The following SPHKAP variants were observed in gnomAD, a reference collection of about 807,000 sequenced individuals.
The protein encoded by SPHKAP is SPHK1 interactor, AKAP domain containing.
Under a neutral mutation model 137.5 loss-of-function variants are expected in SPHKAP, and 67 were observed. The ratio of observed to expected loss-of-function variants is 0.49; its 90% CI spans 0.40 to 0.60. SPHKAP has a LOEUF of 0.60. Among genes scored for constraint, SPHKAP ranks in the 20% least tolerant of loss-of-function variants. SPHKAP has a pLI of 0.00. For missense variants in SPHKAP, 2,097 were observed against 2,069.3 expected (o/e 1.01, Z -0.26); for synonymous variants, 813 against 785.3 (o/e 1.04, Z -0.59).
chr2:228,029,852 G>A (rs1695211571), intron 3 of SPHKAP, among the ~76,000 whole-genome samples: 1 of 152,082 alleles, frequency 6.6e-6, no homozygotes, highest in African/African-American at 2.4e-5. Flanking sequence ...CTTAAAGAAA[G>A]GCCCATTACC....
intron 3 of SPHKAP, among the ~76,000 whole-genome samples, chr2:228,097,123 G>T (rs1698010969): frequency 6.6e-6 from 1 of 152,096 alleles, no homozygotes; most frequent in Non-Finnish European, 1.5e-5. Context: ...AAGTTTAAAG[G>T]TATTTTAATG....
At chr2:228,116,612 T>A (rs1267303406) in intron 2 of SPHKAP, among the ~76,000 whole-genome samples, 1 of 152,154 alleles carries the variant, frequency 6.6e-6, no homozygotes, top group East Asian at 1.9e-4. Context: ...CTGAGGACCT[T>A]CTAATCCTGT....
chr2:227,982,468 A>G (rs1693036742), intron 11 of SPHKAP: 3 of 575,202 alleles, frequency 5.2e-6, no homozygotes, highest in Non-Finnish European at 6.6e-6. Context: ...TACCAGTTCT[A>G]TTGGCCACAG....
chr2:228,114,144 A>G (rs1698627026), intron 2 of SPHKAP, among the ~76,000 whole-genome samples: 1 of 152,136 alleles, frequency 6.6e-6, no homozygotes, highest in Non-Finnish European at 1.5e-5. Flanking sequence ...TTAGTTATGG[A>G]CTTATTTTAG....
chr2:228,070,379 A>AGAGCAG (rs1696967594), intron 3 of SPHKAP, among the ~76,000 whole-genome samples: 1 of 152,198 alleles, frequency 6.6e-6, no homozygotes, highest in African/African-American at 2.4e-5. Context: ...GGAGGCAGGA[A>AGAGCAG]GAGCAGGCAT....
intron 3 of SPHKAP, among the ~76,000 whole-genome samples, chr2:228,096,661 T>C (rs1166207740): frequency 6.7e-6 from 1 of 149,226 alleles, no homozygotes; most frequent in South Asian, 2.1e-4. Flanking sequence ...TGTGTGTGTG[T>C]GTGTGTCTGC....
At chr2:228,093,854 C>A (rs149623918) in intron 3 of SPHKAP, among the ~76,000 whole-genome samples, 25,474 of 106,574 alleles carry the variant, frequency 0.24, 2,905 homozygotes, top group Non-Finnish European at 0.27. Context: ...GGCAAGACTC[C>A]GTTTCAAAAA....
In SPHKAP at chr2:228,017,308, A is replaced by G. The variant is rs779951589; in HGVS notation, c.3546T>C (p.Ser1182=). 14 of 1,613,900 alleles carry G rather than the reference A, an allele frequency of 8.7e-6. No individual in the cohort carries two copies. Among genetic ancestry groups the G allele is most frequent in the Non-Finnish European group, 1.2e-5 (14 of 1,180,000 alleles). ...DHLSVRPSCP[S]KQSSTESITE... is the part of the protein sequence containing the mutation. ...TGATGCTCTCTGTGCTGGACTGCTTAGAGGGACAGCTAGGCCTCACACTGA... is the reference window on the plus strand; with the variant it reads ...TGATGCTCTCTGTGCTGGACTGCTTGGAGGGACAGCTAGGCCTCACACTGA... The change falls in exon 7 of 12, where the codon TCT becomes TCC. Residue 1182 remains serine (S), a synonymous_variant. Coordinates refer to ENST00000392056, the MANE Select transcript of SPHKAP (RefSeq NM_001142644.2).
chr2:228,109,426 T>C, intron 2 of SPHKAP: 1 of 954,658 alleles, frequency 1.0e-6, no homozygotes, highest in Non-Finnish European at 1.2e-6. Flanking sequence ...ACACCTAAGG[T>C]ACTATGTTAA....
intron 3 of SPHKAP, among the ~76,000 whole-genome samples, chr2:228,049,628 G>A (rs1696182007): frequency 6.6e-6 from 1 of 152,212 alleles, no homozygotes; most frequent in Admixed American, 6.5e-5. Context: ...CTAATAGGTA[G>A]CTTTGTGAGC....
Position 227,980,877 on chromosome 2 carries a change from AAAAT to A in SPHKAP, c.*836_*839del, listed in dbSNP as rs1340157156. On this transcript the variant is annotated 3_prime_UTR_variant, in exon 12 of 12. Transcript: ENST00000392056. ...CAATAATCTCTTTATAATTTACAAT[AAAAT>A]AAAGTGAAAGTTTGTATTTCATATT... 1.2e-4 allele frequency: 19 copies of A among 152,346 alleles called. No individual in the cohort carries two copies. The highest frequency in any genetic ancestry group is 4.3e-4 in the African/African-American group (18 of 41,586). The allele number at this position is 152,346 out of a possible 1,614,324, so 9.4% of individuals were successfully genotyped here. A position where few individuals can be genotyped will look rare whatever the true frequency, so the allele number is the denominator to read the frequency against.
chr2:228,016,342 A>T, intron 7 of SPHKAP, 64 bp downstream of exon 7: 1 of 1,498,138 alleles, frequency 6.7e-7, no homozygotes, highest in Non-Finnish European at 8.9e-7. Flanking sequence ...ATTTAGACTA[A>T]ACACTGATTA....
chr2:228,086,571 G>C (rs1246675934), intron 3 of SPHKAP, among the ~76,000 whole-genome samples: 1 of 152,124 alleles, frequency 6.6e-6, no homozygotes, highest in Non-Finnish European at 1.5e-5. Flanking sequence ...TACCACCCTA[G>C]ATATTTCAGG....
At chr2:228,079,562 G>A (rs1282219409) in intron 3 of SPHKAP, among the ~76,000 whole-genome samples, 2 of 152,148 alleles carry the variant, frequency 1.3e-5, no homozygotes, top group African/African-American at 4.8e-5. Flanking sequence ...TCCCATCACT[G>A]GGCCAACCTT....
chr2:228,127,677 G>A (rs147555194), intron 2 of SPHKAP, among the ~76,000 whole-genome samples: 1,584 of 152,174 alleles, frequency 0.01, 21 homozygotes, highest in African/African-American at 0.036. Context: ...TGAACTTGCC[G>A]ATGTCTATTG....
intron 1 of SPHKAP, among the ~76,000 whole-genome samples, chr2:228,143,563 T>C (rs2106389799): frequency 6.6e-6 from 1 of 152,108 alleles, no homozygotes; most frequent in East Asian, 1.9e-4. Context: ...TGGTGTGATC[T>C]TGGTTCACTG....
chr2:228,028,329 C>T (rs1296379892), intron 3 of SPHKAP, among the ~76,000 whole-genome samples: 1 of 152,228 alleles, frequency 6.6e-6, no homozygotes, highest in Non-Finnish European at 1.5e-5. Flanking sequence ...CTCTTTGCCA[C>T]ATTGTTTTAG....
chr2:228,094,322 T>C (rs1697913575), intron 3 of SPHKAP, among the ~76,000 whole-genome samples: 1 of 152,188 alleles, frequency 6.6e-6, no homozygotes. Context: ...AAATCTCTTT[T>C]CTTCATTGCT....
intron 3 of SPHKAP, among the ~76,000 whole-genome samples, chr2:228,074,265 G>C (rs977563750): frequency 2.6e-5 from 4 of 152,166 alleles, no homozygotes; most frequent in Non-Finnish European, 5.9e-5. Context: ...CATAATTCCA[G>C]ATCCATGATC....
Sources: allele counts gnomAD v4.1 joint callset (sites outside exome capture counted in the v4.1 genomes callset), GRCh38; gene constraint gnomAD v4.1.1; transcripts MANE v1.5; gene names NCBI Gene and HGNC (gene_info 2026-07-23, HGNC 2026-07-21).